The following RPH3A variants were observed in gnomAD, a reference collection of about 807,000 sequenced individuals.
RPH3A encodes rabphilin-3A.
Under a neutral mutation model 102.2 loss-of-function variants are expected in RPH3A, and 48 were observed. The ratio of observed to expected loss-of-function variants is 0.47; its 90% CI spans 0.37 to 0.60. The LOEUF (loss-of-function observed/expected upper bound fraction) is 0.60, where lower values mean the gene tolerates loss of function less well. Ranked by LOEUF, RPH3A falls within the 20% of genes least tolerant of loss-of-function variation. RPH3A has a pLI of 0.00. For missense variants in RPH3A, 781 were observed against 910.1 expected (o/e 0.86, Z 1.83); for synonymous variants, 310 against 324.3 (o/e 0.96, Z 0.47).
chr12:112,783,075 AC>A (rs922026757), intron 1 of RPH3A, among the ~76,000 whole-genome samples: 3 of 152,092 alleles, frequency 2.0e-5, no homozygotes, highest in African/African-American at 7.2e-5. Flanking sequence ...ATGGGCTCTC[AC>A]CATTTCTGTA....
intron 1 of RPH3A, among the ~76,000 whole-genome samples, chr12:112,680,943 C>T (rs1332278864): frequency 1.3e-5 from 2 of 152,032 alleles, no homozygotes; most frequent in African/African-American, 4.8e-5. Context: ...CTTTCTTCTT[C>T]TCCAATCCCC....
rs768164688 is a variant in RPH3A, at chr12:112,869,909, T to C, written c.666T>C (p.Ser222=). The C allele has an allele frequency of 1.8e-5, 29 of 1,614,010 alleles. No individual in the cohort carries two copies. Among genetic ancestry groups the C allele is most frequent in the Non-Finnish European group, 2.5e-5 (29 of 1,180,002 alleles). Residue 222 remains serine, a synonymous_variant, in exon 10 of 22, where the codon TCT becomes TCC. Coordinates refer to ENST00000389385, the MANE Select transcript of RPH3A (RefSeq NM_001143854.2). ...PGQKTGPDPA[S]APGRGNYGPP... ...TCTTTCCAGGCCCTGACCCAGCCTC[T>C]GCTCCCGGGCGAGGAAACTATGGGC...
At chr12:112,866,163 T>C (rs1181822376) in intron 6 of RPH3A, among the ~76,000 whole-genome samples, 1 of 152,154 alleles carries the variant, frequency 6.6e-6, no homozygotes, top group Non-Finnish European at 1.5e-5. Context: ...AATGTCATCA[T>C]CTCCAGCTTG....
intron 13 of RPH3A, 35 bp from the exon 14 acceptor site, chr12:112,879,084 T>C (rs2042858669): frequency 6.5e-7 from 1 of 1,544,990 alleles, no homozygotes; most frequent in Non-Finnish European, 8.9e-7. Context: ...TGACTGAATA[T>C]TCGTTATCTT....
In RPH3A at chr12:112,698,320, A is replaced by G; in HGVS notation, c.-139-93823A>G. ...CTACAACTACTAATAAAAAAAGGAGAAAAATCTTTGTGACCTTGAGTTAGA... is the reference window on the plus strand; with the variant it reads ...CTACAACTACTAATAAAAAAAGGAGGAAAATCTTTGTGACCTTGAGTTAGA... On this transcript the variant is annotated intron_variant, in intron 1 of 21. Coordinates refer to the RPH3A transcript ENST00000543106. Among the ~76,000 whole-genome samples, 2 of 152,230 alleles carry G rather than the reference A, an allele frequency of 1.3e-5. 1 individual carries two copies. Among genetic ancestry groups the G allele is most frequent in the Admixed American group, 1.3e-4 (2 of 15,284 alleles).
intron 1 of RPH3A, among the ~76,000 whole-genome samples, chr12:112,773,637 A>C (rs2136073886): frequency 6.6e-6 from 1 of 152,118 alleles, no homozygotes; most frequent in South Asian, 2.1e-4. Context: ...GTTTATATGC[A>C]ACATTCCATT....
chr12:112,616,389 C>G (rs2039679872), intron 1 of RPH3A, among the ~76,000 whole-genome samples: 1 of 152,174 alleles, frequency 6.6e-6, no homozygotes, highest in Non-Finnish European at 1.5e-5. Flanking sequence ...TCAAGTGATC[C>G]TCCTGCCTCG....
At chr12:112,859,717 G>A (rs1036037655) in intron 5 of RPH3A, among the ~76,000 whole-genome samples, 4 of 152,176 alleles carry the variant, frequency 2.6e-5, no homozygotes, top group African/African-American at 9.7e-5. Context: ...TTCTTAAAGT[G>A]TAGCCAGGAA....
At chr12:112,707,392 C>T (rs1463297019) in intron 1 of RPH3A, among the ~76,000 whole-genome samples, 3 of 152,124 alleles carry the variant, frequency 2.0e-5, no homozygotes, top group Non-Finnish European at 4.4e-5. Context: ...CACACCAACC[C>T]CTTTAGTTAG....
intron 5 of RPH3A, among the ~76,000 whole-genome samples, chr12:112,848,516 G>T (rs1321290832): frequency 6.6e-6 from 1 of 152,110 alleles, no homozygotes; most frequent in Non-Finnish European, 1.5e-5. Flanking sequence ...CTGAGCCCCA[G>T]TTTGCTTACT....
intron 1 of RPH3A, among the ~76,000 whole-genome samples, chr12:112,663,140 C>T (rs2040061368): frequency 6.6e-6 from 1 of 151,014 alleles, no homozygotes; most frequent in Non-Finnish European, 1.5e-5. Flanking sequence ...AATTAAGCTT[C>T]TGGATTAAAC....
chr12:112,800,705 A>C (rs2041327425), intron 2 of RPH3A, among the ~76,000 whole-genome samples: 1 of 152,050 alleles, frequency 6.6e-6, no homozygotes, highest in Non-Finnish European at 1.5e-5. Flanking sequence ...GACGGGCTTT[A>C]CTGATGGATC....
chr12:112,792,973 G>A (rs755131), intron 2 of RPH3A, among the ~76,000 whole-genome samples: 5,841 of 152,202 alleles, frequency 0.038, 255 homozygotes, highest in Admixed American at 0.12. Flanking sequence ...ATGGGGGAGC[G>A]TCCTGGCACT....
chr12:112,698,313 A>G (rs1441386302), intron 1 of RPH3A, among the ~76,000 whole-genome samples: 1 of 152,236 alleles, frequency 6.6e-6, no homozygotes, highest in Admixed American at 6.5e-5. Context: ...ACTAATAAAA[A>G]AAGGAGAAAA....
intron 19 of RPH3A, chr12:112,894,356 G>T: frequency 1.8e-6 from 1 of 547,702 alleles, no homozygotes; most frequent in Non-Finnish European, 3.2e-6. Flanking sequence ...GAGTGGTTGT[G>T]GTTCTACTGC....
At chr12:112,803,486 ATATTATTAT>A (rs138267182) in intron 2 of RPH3A, among the ~76,000 whole-genome samples, 3 of 150,304 alleles carry the variant, frequency 2.0e-5, no homozygotes, top group South Asian at 2.1e-4. Context: ...TGGGAAGGAG[ATATTATTAT>A]TATTATTATT....
At chr12:112,627,948 A>G (rs1462764526) in intron 1 of RPH3A, among the ~76,000 whole-genome samples, 2 of 134,450 alleles carry the variant, frequency 1.5e-5, no homozygotes, top group Non-Finnish European at 3.1e-5. Flanking sequence ...AAAGGGGAAG[A>G]AGGAATGTCT....
chr12:112,841,117 A>G (rs2042133720), intron 4 of RPH3A, among the ~76,000 whole-genome samples: 1 of 139,720 alleles, frequency 7.2e-6, no homozygotes, highest in Admixed American at 7.5e-5. Flanking sequence ...CTGAGGTGGG[A>G]GGATTGCTTA....
intron 21 of RPH3A, among the ~76,000 whole-genome samples, chr12:112,896,311 A>G (rs2043178558): frequency 6.6e-6 from 1 of 152,224 alleles, no homozygotes; most frequent in Non-Finnish European, 1.5e-5. Flanking sequence ...AGGATTGAGC[A>G]GGATGATGAA....
Sources: allele counts gnomAD v4.1 joint callset (sites outside exome capture counted in the v4.1 genomes callset), GRCh38; gene constraint gnomAD v4.1.1; transcripts MANE v1.5; gene names NCBI Gene and HGNC (gene_info 2026-07-23, HGNC 2026-07-21).